PLCG2: variants seen among roughly 807,000 people sequenced by gnomAD.
PLCG2 encodes the protein phospholipase C gamma 2.
In PLCG2, 69 loss-of-function variants were observed where a neutral mutation model predicts 175.6. That is an observed-to-expected ratio of 0.39 (90% CI 0.32 to 0.48). The LOEUF is 0.48. Ranked by LOEUF, PLCG2 falls within the 20% of genes least tolerant of loss-of-function variation. The pLI is 0.91. For missense variants in PLCG2, 1,798 were observed against 1,650.9 expected (o/e 1.09, Z -1.54); for synonymous variants, 827 against 624.0 (o/e 1.33, Z -4.85).
chr16:81,932,024 G>C (rs1158105549), intron 25 of PLCG2, among the ~76,000 whole-genome samples: 2 of 152,224 alleles, frequency 1.3e-5, no homozygotes, highest in Non-Finnish European at 2.9e-5. Context: ...CCTCCTGACA[G>C]AAAACGTTCA....
At chr16:81,944,360 T>TAA (rs1911068580) in intron 30 of PLCG2, among the ~76,000 whole-genome samples, 1 of 152,234 alleles carries the variant, frequency 6.6e-6, no homozygotes, top group Admixed American at 6.5e-5. Context: ...CTTAATACAG[T>TAA]ATAACGATTA....
chr16:81,750,721 G>T (rs1909794263), intron 1 of PLCG2, among the ~76,000 whole-genome samples: 1 of 111,340 alleles, frequency 9.0e-6, no homozygotes, highest in African/African-American at 3.3e-5. Flanking sequence ...AGGCTGGAGT[G>T]CAGTGGCGCG....
chr16:81,777,972 G>C (rs1202721714), upstream of PLCG2, among the ~76,000 whole-genome samples: 1 of 143,472 alleles, frequency 7.0e-6, no homozygotes, highest in African/African-American at 2.5e-5. Flanking sequence ...AGCCGAGATC[G>C]TGCCACTGCA....
chr16:81,882,763 C>T (rs1433944012), intron 8 of PLCG2, among the ~76,000 whole-genome samples: 1 of 152,168 alleles, frequency 6.6e-6, no homozygotes, highest in Admixed American at 6.5e-5. Flanking sequence ...CACCCCACCT[C>T]ATTCTGGCTC....
chr16:81,871,237 C>T (rs191869463), intron 7 of PLCG2, among the ~76,000 whole-genome samples: 8 of 152,204 alleles, frequency 5.3e-5, no homozygotes, highest in Non-Finnish European at 1.2e-4. Flanking sequence ...GCAACTCACT[C>T]TACTGCATTA....
intron 28 of PLCG2, 115 bp from the exon 29 acceptor site, chr16:81,938,686 A>G: frequency 3.2e-6 from 2 of 630,734 alleles, no homozygotes; most frequent in East Asian, 5.4e-5. Flanking sequence ...AATCTAGGAA[A>G]ATTAGGGCTG....
At chr16:81,790,371 G>T in intron 2 of PLCG2, among the ~76,000 whole-genome samples, 1 of 152,198 alleles carries the variant, frequency 6.6e-6, no homozygotes, top group East Asian at 1.9e-4. Flanking sequence ...TGCAATGATG[G>T]TGTTGGTAAA....
intron 2 of PLCG2, among the ~76,000 whole-genome samples, chr16:81,768,907 C>T (rs1270763522): frequency 6.6e-6 from 1 of 152,028 alleles, no homozygotes; most frequent in South Asian, 2.1e-4. Context: ...TTAATAGGTG[C>T]GTATTTTTTG....
At chr16:81,826,868 A>T (rs1233278572) in intron 2 of PLCG2, among the ~76,000 whole-genome samples, 7 of 152,090 alleles carry the variant, frequency 4.6e-5, no homozygotes, top group Admixed American at 1.3e-4. Context: ...CTGGGTTTTT[A>T]AAAAGTTCTT....
At chr16:81,953,996 A>G (rs1911467844) in intron 31 of PLCG2, among the ~76,000 whole-genome samples, 1 of 152,140 alleles carries the variant, frequency 6.6e-6, no homozygotes, top group Admixed American at 6.5e-5. Context: ...CTTTCATGGT[A>G]TAGTATTAAG....
intron 2 of PLCG2, among the ~76,000 whole-genome samples, chr16:81,838,076 T>C (rs549980829): frequency 1.7e-3 from 202 of 120,604 alleles, no homozygotes; most frequent in African/African-American, 5.8e-3. Context: ...CTTTGAAAGA[T>C]ACTAATTTTC....
Position 81,916,297 on chromosome 16 carries a change from GAA to G in PLCG2, c.2055-3180_2055-3179del, listed in dbSNP as rs35559608. Among the ~76,000 whole-genome samples, 34 of 149,924 alleles carry G rather than the reference GAA, an allele frequency of 2.3e-4. No individual in the cohort carries two copies. In the South Asian group the frequency reaches 6.5e-3, roughly 29 times the overall value. ...GACTGGAAATCCTTTTTTAAAAAAA[GAA>G]AAAAAACAACGTTTTTTAAAAAAAG... On this transcript the variant is annotated intron_variant, in intron 19 of 32. Transcript: ENST00000564138.
At chr16:81,863,357 G>T (rs889745302) in intron 5 of PLCG2, among the ~76,000 whole-genome samples, 1 of 152,350 alleles carries the variant, frequency 6.6e-6, no homozygotes, top group Non-Finnish European at 1.5e-5. Flanking sequence ...AGTTTCATCT[G>T]TGTTGTAGCA....
In PLCG2 at chr16:81,910,604, C is replaced by A; in HGVS notation, c.1818C>A (p.Thr606=). 2 of 1,614,140 alleles carry A rather than the reference C, an allele frequency of 1.2e-6. No homozygotes were observed. Among genetic ancestry groups the A allele is most frequent in the Non-Finnish European group, 8.5e-7 (1 of 1,179,994 alleles). ...TLKYYLTDNL[T]FSSIYALIQH... ...AATACTACTTGACTGACAACCTCAC[C>A]TTCAGCAGCATCTATGCCCTCATCC... The change falls in exon 18 of 33, where the codon ACC becomes ACA. Residue 606 remains threonine, a synonymous_variant. Transcript: ENST00000564138.
chr16:81,902,521 A>T (rs1284580393), intron 14 of PLCG2, among the ~76,000 whole-genome samples: 1 of 152,168 alleles, frequency 6.6e-6, no homozygotes, highest in East Asian at 1.9e-4. Context: ...CATCTGGGAC[A>T]TGGAGATATC....
chr16:81,817,456 G>A (rs181669936), intron 2 of PLCG2, among the ~76,000 whole-genome samples: 89 of 152,278 alleles, frequency 5.8e-4, no homozygotes, highest in African/African-American at 1.9e-3. Flanking sequence ...GGAGTGCATC[G>A]TCTTGAGGGG....
intron 13 of PLCG2, among the ~76,000 whole-genome samples, chr16:81,896,415 CACACACACACAA>C (rs1231099642): frequency 1.1e-5 from 1 of 89,634 alleles, no homozygotes; most frequent in Admixed American, 1.2e-4. Flanking sequence ...CACACACACA[CACACACACACAA>C]ATCATCTGGG....
chr16:81,891,825 A>T (rs866835116), intron 11 of PLCG2, among the ~76,000 whole-genome samples: 15 of 152,200 alleles, frequency 9.9e-5, no homozygotes, highest in Non-Finnish European at 1.5e-4. Flanking sequence ...AAGCTAGTAA[A>T]AACAAAAGTA....
chr16:81,935,739 G>A (rs1179065800), intron 26 of PLCG2: 1 of 985,140 alleles, frequency 1.0e-6, no homozygotes, highest in Non-Finnish European at 1.2e-6. Flanking sequence ...CACCCACATT[G>A]CAACCCTACC....
Sources: gnomAD v4.1 joint callset for allele counts (sites outside exome capture counted in the v4.1 genomes callset) on GRCh38, gnomAD v4.1.1 for gene constraint, MANE v1.5 for transcripts, NCBI Gene and HGNC (gene_info 2026-07-23, HGNC 2026-07-21) for gene names.